The following ORC3 variants were observed in gnomAD, a reference collection of about 807,000 sequenced individuals.
ORC3 encodes origin recognition complex subunit 3.
Under a neutral mutation model 100.7 loss-of-function variants are expected in ORC3, and 78 were observed. The observed-to-expected ratio is 0.77, with a 90% CI of 0.65 to 0.94. The LOEUF is 0.94. ORC3 is among the 40% of genes least tolerant of loss of function. The pLI is 0.00. For missense variants in ORC3, 789 were observed against 823.9 expected (o/e 0.96, Z 0.52); for synonymous variants, 295 against 289.3 (o/e 1.02, Z -0.20).
At chr6:87,631,992 A>G (rs1355113553) in intron 11 of ORC3, among the ~76,000 whole-genome samples, 1 of 151,914 alleles carries the variant, frequency 6.6e-6, no homozygotes, top group Non-Finnish European at 1.5e-5. Flanking sequence ...GTGAAACCCC[A>G]TCTCTGCTAA....
intron 7 of ORC3, among the ~76,000 whole-genome samples, chr6:87,611,692 G>C (rs565452626): frequency 2.2e-4 from 34 of 151,928 alleles, no homozygotes; most frequent in African/African-American, 8.2e-4. Context: ...TGAGGCAGGA[G>C]AATCGCTTGA....
Position 87,652,910 on chromosome 6 carries a change from C to G in ORC3, c.1383-206C>G, listed in dbSNP as rs553043507. Among the ~76,000 whole-genome samples, 5 of 152,248 alleles carry G rather than the reference C, an allele frequency of 3.3e-5. 1 individual carries two copies. The highest frequency in any genetic ancestry group is 7.4e-5 in the Non-Finnish European group (5 of 68,018). On this transcript the variant is annotated intron_variant, in intron 13 of 19. Coordinates refer to ENST00000392844, the MANE Select transcript of ORC3 (RefSeq NM_012381.4). ...TCCAGACCTTTGTAAATTTTCTAAG[C>G]TAAACTTTATCATGAGAACCCTTCA...
intron 9 of ORC3, among the ~76,000 whole-genome samples, chr6:87,620,325 C>A (rs1341435413): frequency 6.6e-6 from 1 of 152,184 alleles, no homozygotes; most frequent in African/African-American, 2.4e-5. Flanking sequence ...AATTTAGCAC[C>A]TGGCATAAAC....
intron 14 of ORC3, 117 bp downstream of exon 14, chr6:87,653,366 C>A: frequency 1.2e-6 from 1 of 857,702 alleles, no homozygotes; most frequent in Non-Finnish European, 1.8e-6. Flanking sequence ...AGTTCATGAT[C>A]AGTCAGTATG....
chr6:87,596,618 G>C (rs1777466615), intron 2 of ORC3, among the ~76,000 whole-genome samples: 1 of 152,048 alleles, frequency 6.6e-6, no homozygotes, highest in Non-Finnish European at 1.5e-5. Flanking sequence ...GGGTCAAACT[G>C]TTAAAATGGT....
At chr6:87,642,583 A>G (rs1274711833) in intron 13 of ORC3, among the ~76,000 whole-genome samples, 1 of 152,038 alleles carries the variant, frequency 6.6e-6, no homozygotes, top group Non-Finnish European at 1.5e-5. Flanking sequence ...ACTCCGTCCC[A>G]AAAATAAATA....
intron 13 of ORC3, among the ~76,000 whole-genome samples, chr6:87,638,338 C>T (rs1767979446): frequency 6.6e-6 from 1 of 152,132 alleles, no homozygotes; most frequent in Non-Finnish European, 1.5e-5. Context: ...GTCAGGGACG[C>T]TTTTTAGTTA....
At chr6:87,610,005 A>G (rs1778627135) in intron 7 of ORC3, among the ~76,000 whole-genome samples, 1 of 152,190 alleles carries the variant, frequency 6.6e-6, no homozygotes, top group Non-Finnish European at 1.5e-5. Context: ...TCACGATTGC[A>G]TTGCGTCTTC....
intron 9 of ORC3, among the ~76,000 whole-genome samples, chr6:87,617,376 C>A (rs925595772): frequency 6.6e-6 from 1 of 152,072 alleles, no homozygotes; most frequent in Non-Finnish European, 1.5e-5. Context: ...AGTATTATTT[C>A]CTTTTCTTGG....
intron 11 of ORC3, among the ~76,000 whole-genome samples, chr6:87,632,363 G>A (rs983591030): frequency 6.6e-6 from 1 of 151,776 alleles, no homozygotes; most frequent in African/African-American, 2.4e-5. Flanking sequence ...AGGTTCTAAA[G>A]TCAGCACATA....
intron 13 of ORC3, among the ~76,000 whole-genome samples, chr6:87,645,922 A>G (rs145947823): frequency 6.6e-6 from 1 of 151,936 alleles, no homozygotes. Context: ...TTAATACATT[A>G]GGTATCACAG....
At chr6:87,596,164 T>C (rs1462177953) in intron 2 of ORC3, among the ~76,000 whole-genome samples, 1 of 151,494 alleles carries the variant, frequency 6.6e-6, no homozygotes, top group South Asian at 2.1e-4. Context: ...GTTTTTGTTT[T>C]TTTTTTTTGA....
At chr6:87,645,983 TC>T (rs1167095964) in intron 13 of ORC3, among the ~76,000 whole-genome samples, 12 of 143,098 alleles carry the variant, frequency 8.4e-5, no homozygotes, top group Non-Finnish European at 1.2e-4. Context: ...TCTTTTTTTT[TC>T]TTTTTTTTTT....
chr6:87,598,657 G>A (rs1777646119), intron 2 of ORC3, among the ~76,000 whole-genome samples: 1 of 147,908 alleles, frequency 6.8e-6, no homozygotes, highest in Admixed American at 6.7e-5. Context: ...AGTTTGCTAG[G>A]CTTTTTTTTT....
At chr6:87,598,117 GCTC>G (rs1777603441) in intron 2 of ORC3, among the ~76,000 whole-genome samples, 1 of 152,134 alleles carries the variant, frequency 6.6e-6, no homozygotes, top group African/African-American at 2.4e-5. Context: ...GCAAACTTGA[GCTC>G]CTGGGCTCCG....
chr6:87,616,265 A>G (rs1364471668), intron 8 of ORC3, 49 bp from the exon 9 acceptor site: 2 of 694,354 alleles, frequency 2.9e-6, no homozygotes, highest in Non-Finnish European at 5.2e-6. Context: ...ATTTATGAAG[A>G]GTGAAGACTA....
Position 87,609,237 on chromosome 6 carries a change from GTGTATTACC to G in ORC3, c.713+11_713+19del. On this transcript the variant is annotated intron_variant, in intron 7 of 19. Transcript: ENST00000392844. ...CTTCATAATTATCAGCAGGTAGATGGTGTATTACCTGGCTTTTATGAAAAACTCCCTTTT... is the reference window on the plus strand; with the variant it reads ...CTTCATAATTATCAGCAGGTAGATGGTGGCTTTTATGAAAAACTCCCTTTT... 6.4e-7 allele frequency: 1 copy of G among 1,550,550 alleles called. No individual in the cohort carries two copies. Among genetic ancestry groups the G allele is most frequent in the Non-Finnish European group, 8.7e-7 (1 of 1,155,066 alleles).
At chr6:87,591,227 C>G (rs1562307693) in intron 1 of ORC3, among the ~76,000 whole-genome samples, 1 of 152,140 alleles carries the variant, frequency 6.6e-6, no homozygotes, top group Non-Finnish European at 1.5e-5. Flanking sequence ...AAAGTAAGAC[C>G]TTGAGTTCTA....
intron 13 of ORC3, chr6:87,651,418 G>A (rs1048429880): frequency 2.7e-6 from 1 of 368,678 alleles, no homozygotes; most frequent in Non-Finnish European, 5.4e-6. Flanking sequence ...TTGTTCAAGT[G>A]TATCTGACTT....
Sources: gnomAD v4.1 joint callset for allele counts (sites outside exome capture counted in the v4.1 genomes callset) on GRCh38, gnomAD v4.1.1 for gene constraint, MANE v1.5 for transcripts, NCBI Gene and HGNC (gene_info 2026-07-23, HGNC 2026-07-21) for gene names.